PKIB: variants seen among roughly 807,000 people sequenced by gnomAD.
The protein encoded by PKIB is PKI-beta.
PKIB carries 2 observed loss-of-function variants against 4.5 expected under a neutral mutation model. The ratio of observed to expected loss-of-function variants is 0.44; its 90% confidence interval spans 0.18 to 1.39. The LOEUF (loss-of-function observed/expected upper bound fraction) is 1.39, where lower values mean the gene tolerates loss of function less well. Among genes scored for constraint, PKIB ranks in the 40% most tolerant of loss-of-function variants. The pLI, the probability that PKIB is intolerant of heterozygous loss-of-function variation, is 0.27. For missense variants in PKIB, 94 were observed against 92.6 expected, an observed-to-expected ratio of 1.02 and a Z score of -0.06; for synonymous variants, 38 against 36.0, an observed-to-expected ratio of 1.06 and a Z score of -0.20.
chr6:122,576,710 A>ATATATATATATATG, intron 2 of PKIB, among the ~76,000 whole-genome samples: 1 of 110,034 alleles, frequency 9.1e-6, no homozygotes, highest in Non-Finnish European at 1.7e-5. Flanking sequence ...ATATATATAT[A>ATATATATATATATG]TTTTCTTTTG....
intron 2 of PKIB, among the ~76,000 whole-genome samples, chr6:122,536,702 C>G (rs577318449): frequency 2.0e-5 from 3 of 151,342 alleles, no homozygotes; most frequent in African/African-American, 7.3e-5. Context: ...GGAGATTTTC[C>G]AAAACTTAAA....
chr6:122,653,643 G>GA (rs71541210), intron 2 of PKIB, among the ~76,000 whole-genome samples: 32,796 of 140,626 alleles, frequency 0.23, 3,645 homozygotes, highest in South Asian at 0.3. Flanking sequence ...GGGATTATTT[G>GA]AAAAAAAAAA....
intron 3 of PKIB, among the ~76,000 whole-genome samples, chr6:122,703,658 A>C (rs1778922395): frequency 6.6e-6 from 1 of 151,876 alleles, no homozygotes. Flanking sequence ...GAGAATAGTG[A>C]ACTATATACA....
chr6:122,598,459 C>T (rs988674328), intron 3 of PKIB, among the ~76,000 whole-genome samples: 2 of 152,280 alleles, frequency 1.3e-5, no homozygotes, highest in African/African-American at 4.8e-5. Context: ...CCTCGGGATT[C>T]AATTATTCCC....
intron 2 of PKIB, among the ~76,000 whole-genome samples, chr6:122,576,193 G>A (rs980301665): frequency 1.3e-5 from 2 of 152,160 alleles, no homozygotes; most frequent in Non-Finnish European, 2.9e-5. Context: ...AATACATTAA[G>A]CCTTACACTT....
chr6:122,578,350 CTTATT>C (rs900293610), intron 2 of PKIB, among the ~76,000 whole-genome samples: 2 of 152,020 alleles, frequency 1.3e-5, no homozygotes, highest in Admixed American at 6.6e-5. Context: ...GTATTTTTAT[CTTATT>C]TTATTTAACC....
chr6:122,649,712 C>A (rs899355053), intron 2 of PKIB, among the ~76,000 whole-genome samples: 5 of 152,186 alleles, frequency 3.3e-5, no homozygotes, highest in African/African-American at 1.2e-4. Flanking sequence ...TTCATAGTAA[C>A]TTGGTGGCCC....
intron 1 of PKIB, among the ~76,000 whole-genome samples, chr6:122,622,436 G>A (rs1775276741): frequency 6.6e-6 from 1 of 152,166 alleles, no homozygotes; most frequent in Admixed American, 6.5e-5. Flanking sequence ...TATCCTTTAG[G>A]TAGGAACTAG....
chr6:122,525,382 C>A (rs1423221551), intron 2 of PKIB, among the ~76,000 whole-genome samples: 5 of 152,044 alleles, frequency 3.3e-5, no homozygotes, highest in Admixed American at 6.6e-5. Flanking sequence ...GCTTCATTTT[C>A]TGCCTTAATA....
chr6:122,566,382 C>T (rs1229451261), intron 2 of PKIB, among the ~76,000 whole-genome samples: 1 of 152,004 alleles, frequency 6.6e-6, no homozygotes, highest in Non-Finnish European at 1.5e-5. Context: ...GACATTAATA[C>T]TGAACTCAAT....
At chr6:122,496,299 A>T (rs1331392247) in intron 2 of PKIB, among the ~76,000 whole-genome samples, 2 of 152,206 alleles carry the variant, frequency 1.3e-5, no homozygotes, top group Non-Finnish European at 2.9e-5. Context: ...ATTTGAAAGA[A>T]CTAGTATAAG....
intron 3 of PKIB, 189 bp from the exon 4 acceptor site, chr6:122,717,598 C>T: frequency 1.7e-6 from 1 of 577,438 alleles, no homozygotes; most frequent in Non-Finnish European, 3.0e-6. Context: ...CTGAGGGCTT[C>T]CTGCTCTATT....
intron 2 of PKIB, among the ~76,000 whole-genome samples, chr6:122,520,669 C>T (rs909818720): frequency 8.4e-6 from 1 of 119,216 alleles, no homozygotes; most frequent in African/African-American, 3.5e-5. Context: ...GTTCCCACCC[C>T]CCCCCCACCA....
At chr6:122,714,487 T>C (rs1400716267) in intron 3 of PKIB, among the ~76,000 whole-genome samples, 1 of 152,148 alleles carries the variant, frequency 6.6e-6, no homozygotes, top group East Asian at 1.9e-4. Context: ...AAAGGACTAA[T>C]TAGAAAGCCT....
chr6:122,615,061 T>A (rs1441948140), intron 1 of PKIB, among the ~76,000 whole-genome samples: 1 of 152,146 alleles, frequency 6.6e-6, no homozygotes, highest in Non-Finnish European at 1.5e-5. Context: ...AAAAAGTCTA[T>A]CAAGCCAAAA....
At chr6:122,662,303 G>C (rs1445344784) in intron 2 of PKIB, among the ~76,000 whole-genome samples, 3 of 16,684 alleles carry the variant, frequency 1.8e-4, no homozygotes, top group Non-Finnish European at 3.4e-4. Flanking sequence ...TTCTTTCCTT[G>C]TCTCCTTTTT....
At chr6:122,707,957 A>G (rs1027975445) in intron 3 of PKIB, among the ~76,000 whole-genome samples, 1 of 73,770 alleles carries the variant, frequency 1.4e-5, no homozygotes, top group Non-Finnish European at 2.6e-5. Flanking sequence ...ATATGCAAAA[A>G]GAAAAAAAAT....
chr6:122,649,856 AG>A (rs887307858), intron 2 of PKIB, among the ~76,000 whole-genome samples: 6 of 152,180 alleles, frequency 3.9e-5, no homozygotes, highest in African/African-American at 1.4e-4. Context: ...ATTCACCTTC[AG>A]GGATCTGCCA....
At chr6:122,568,145 A>T (rs886826727) in intron 2 of PKIB, among the ~76,000 whole-genome samples, 4 of 147,230 alleles carry the variant, frequency 2.7e-5, no homozygotes, top group Non-Finnish European at 6.0e-5. Context: ...CATTTATAAT[A>T]AAAAAAAAAG....
Sources: allele counts gnomAD v4.1 joint callset (sites outside exome capture counted in the v4.1 genomes callset), GRCh38; gene constraint gnomAD v4.1.1; transcripts MANE v1.5; gene names NCBI Gene and HGNC (gene_info 2026-07-23, HGNC 2026-07-21).